ASTN2: variants seen among roughly 807,000 people sequenced by gnomAD.
ASTN2 encodes the protein astrotactin 2.
In ASTN2, 54 loss-of-function variants were observed where a neutral mutation model predicts 139.8. The ratio of observed to expected loss-of-function variants is 0.39; its 90% confidence interval spans 0.31 to 0.48. The LOEUF is 0.48. Among genes scored for constraint, ASTN2 ranks in the 20% least tolerant of loss-of-function variants. The pLI is 0.95. For synonymous variants in ASTN2, 756 were observed against 719.5 expected, an observed-to-expected ratio of 1.05 and a Z score of -0.81; for missense variants, 1,565 against 1,725.1, an observed-to-expected ratio of 0.91 and a Z score of 1.64.
intron 6 of ASTN2, among the ~76,000 whole-genome samples, chr9:117,028,904 A>C (rs2132629581): frequency 6.6e-6 from 1 of 152,274 alleles, no homozygotes; most frequent in East Asian, 1.9e-4. Flanking sequence ...GCAGGGAAGA[A>C]TCTTAAGTAC....
intron 13 of ASTN2, among the ~76,000 whole-genome samples, chr9:116,793,080 TG>T (rs1313605742): frequency 6.6e-6 from 1 of 151,650 alleles, no homozygotes; most frequent in Non-Finnish European, 1.5e-5. Context: ...AACCTGCACA[TG>T]TACCCCCTGA....
At chr9:116,593,150 T>C (rs1435950139) in intron 19 of ASTN2, among the ~76,000 whole-genome samples, 1 of 152,204 alleles carries the variant, frequency 6.6e-6, no homozygotes, top group African/African-American at 2.4e-5. Flanking sequence ...GGAATGAAGA[T>C]TCCAAGGAGG....
intron 1 of ASTN2, among the ~76,000 whole-genome samples, chr9:117,309,670 G>A (rs1572307): frequency 0.2 from 30,768 of 152,092 alleles, 3,361 homozygotes; most frequent in Admixed American, 0.26. Flanking sequence ...GAGAGGGAAA[G>A]GGATTTGGCT....
chr9:116,689,702 T>C (rs541146017), intron 16 of ASTN2, among the ~76,000 whole-genome samples: 1 of 152,266 alleles, frequency 6.6e-6, no homozygotes, highest in Admixed American at 6.5e-5. Flanking sequence ...GACTATCAGA[T>C]TGAACTCTAA....
At chr9:116,602,503 G>T (rs920303547) in intron 19 of ASTN2, among the ~76,000 whole-genome samples, 2 of 152,106 alleles carry the variant, frequency 1.3e-5, no homozygotes, top group African/African-American at 4.8e-5. Context: ...AAAGAAAGGA[G>T]GACATCTCCT....
At chr9:116,870,827 G>C (rs578233569) in intron 10 of ASTN2, among the ~76,000 whole-genome samples, 6 of 152,186 alleles carry the variant, frequency 3.9e-5, no homozygotes, top group East Asian at 3.9e-4. Context: ...CACTCATAGA[G>C]AGATGTGAAT....
At chr9:117,275,564 CT>C (rs57767279) in intron 2 of ASTN2, among the ~76,000 whole-genome samples, 72 of 119,166 alleles carry the variant, frequency 6.0e-4, no homozygotes, top group African/African-American at 6.7e-4. Context: ...ATCTCTCCCT[CT>C]TTTTTTTTTT....
chr9:116,703,867 T>G lies in ASTN2; in HGVS notation c.2806+21904A>C, dbSNP rs77422083. Among the ~76,000 whole-genome samples, 13 of 152,274 alleles carry G rather than the reference T, an allele frequency of 8.5e-5. No individual in the cohort carries two copies. The East Asian group carries it at 2.5e-3, about 29-fold the overall frequency. The stretch of plus-strand genomic sequence containing the variant: ...TCAGGACATGCAGCCCTTCAAGGCA[T>G]CTCAAATTACAGACATGAAACAACA... On this transcript the variant is annotated intron_variant, in intron 16 of 22. Transcript: ENST00000313400.
At chr9:116,964,351 C>T (rs553474453) in intron 10 of ASTN2, among the ~76,000 whole-genome samples, 42 of 151,876 alleles carry the variant, frequency 2.8e-4, no homozygotes, top group Non-Finnish European at 3.7e-4. Context: ...TCAGCTGCAA[C>T]GAGTGGGCCT....
chr9:117,195,616 T>C (rs1831479408), intron 3 of ASTN2, among the ~76,000 whole-genome samples: 1 of 152,140 alleles, frequency 6.6e-6, no homozygotes, highest in Admixed American at 6.6e-5. Flanking sequence ...GTCTGGAAAC[T>C]TAGGCTAGAG....
At chr9:117,181,861 T>C (rs965814270) in intron 3 of ASTN2, among the ~76,000 whole-genome samples, 1 of 152,192 alleles carries the variant, frequency 6.6e-6, no homozygotes, top group Non-Finnish European at 1.5e-5. Flanking sequence ...CCTCTCTCTT[T>C]CCTGCTCACC....
chr9:116,697,161 C>T (rs1860903711), intron 16 of ASTN2, among the ~76,000 whole-genome samples: 1 of 152,060 alleles, frequency 6.6e-6, no homozygotes, highest in Non-Finnish European at 1.5e-5. Flanking sequence ...ATACTTATTC[C>T]TTTTACTGTG....
intron 4 of ASTN2, among the ~76,000 whole-genome samples, chr9:117,104,836 G>T (rs1201854904): frequency 1.2e-4 from 19 of 152,056 alleles, no homozygotes; most frequent in Admixed American, 1.2e-3. Context: ...CTTTATTGCT[G>T]CAGTTTAAAC....
At chr9:117,331,243 G>C (rs1828697785) in intron 1 of ASTN2, among the ~76,000 whole-genome samples, 1 of 152,134 alleles carries the variant, frequency 6.6e-6, no homozygotes. Flanking sequence ...GGGAACCTGA[G>C]CTATTAGCTC....
intron 1 of ASTN2, among the ~76,000 whole-genome samples, chr9:117,303,570 T>A (rs1021635922): frequency 2.6e-5 from 4 of 152,200 alleles, no homozygotes; most frequent in African/African-American, 9.7e-5. Flanking sequence ...AGCTCTCCTG[T>A]GCCTTGTCTA....
In ASTN2 at chr9:116,511,132, T is replaced by C. The variant is rs561191878; in HGVS notation, c.3356-23632A>G. Among the ~76,000 whole-genome samples, 3 of 152,334 alleles carry C rather than the reference T, an allele frequency of 2.0e-5. No individual in the cohort carries two copies. In the East Asian group the frequency reaches 5.8e-4, roughly 29 times the overall value. ...TTTGCCCATTCAGTATGATATTGGC[T>C]GTGGGTCTGTCATAGATAGCTCTTA... On this transcript the variant is annotated intron_variant, in intron 19 of 22. Coordinates refer to ENST00000313400, the MANE Select transcript of ASTN2 (RefSeq NM_001365068.1).
intron 8 of ASTN2, 29 bp from the exon 9 acceptor site, chr9:116,976,217 A>T (rs1260714841): frequency 4.4e-6 from 7 of 1,599,020 alleles, no homozygotes; most frequent in East Asian, 2.2e-5. Context: ...GGGAGAGAAG[A>T]TGACATTAGT....
rs182531379 is a variant in ASTN2, at chr9:116,980,650, T to G, written c.1592-3865A>C. Among the ~76,000 whole-genome samples, 137 of 152,268 alleles carry G rather than the reference T, an allele frequency of 9.0e-4. 1 individual carries two copies. The South Asian group carries it at 0.011, about 12-fold the overall frequency. ...AAATCCCTAACCTCTGCTTTCTGGA[T>G]ACTGTTTGTTTTAGTTTCAGCTGCA... On this transcript the variant is annotated intron_variant, in intron 7 of 22. Transcript: ENST00000313400.
intron 20 of ASTN2, among the ~76,000 whole-genome samples, chr9:116,474,869 C>G (rs751638284): frequency 9.9e-5 from 15 of 152,156 alleles, no homozygotes; most frequent in Non-Finnish European, 2.1e-4. Context: ...ACTCCAGAAG[C>G]CTCTCCCTAT....
Sources: allele counts gnomAD v4.1 joint callset (sites outside exome capture counted in the v4.1 genomes callset), GRCh38; gene constraint gnomAD v4.1.1; transcripts MANE v1.5; gene names NCBI Gene and HGNC (gene_info 2026-07-23, HGNC 2026-07-21).